CCDC7: variants seen among roughly 807,000 people sequenced by gnomAD.
The protein encoded by CCDC7 is coiled-coil domain containing 7.
Under a neutral mutation model 196.9 loss-of-function variants are expected in CCDC7, and 183 were observed. The observed-to-expected ratio is 0.93, with a 90% CI of 0.82 to 1.05. CCDC7 has a LOEUF of 1.05. Among genes scored for constraint, CCDC7 ranks in the 50% least tolerant of loss-of-function variants. The probability of loss-of-function intolerance (pLI) is 0.00; values close to 1 mark genes in which losing one functional copy is unlikely to be tolerated. For synonymous variants in CCDC7, 525 were observed against 484.6 expected (o/e 1.08, Z -1.10); for missense variants, 1,540 against 1,482.2 (o/e 1.04, Z -0.64).
chr10:32,880,443 G>A (rs2094750565), downstream of CCDC7, among the ~76,000 whole-genome samples: 2 of 152,114 alleles, frequency 1.3e-5, no homozygotes, highest in Admixed American at 1.3e-4. Context: ...CTTTATGTTA[G>A]ACCTTTGTCA....
At chr10:32,834,760 C>T (rs1425016222) in intron 32 of CCDC7, 55 bp from the exon 34 acceptor site, 4 of 733,520 alleles carry the variant, frequency 5.5e-6, no homozygotes, top group South Asian at 1.5e-5. Flanking sequence ...ACAGCACGGA[C>T]ATATGTTACA....
At chr10:32,665,738 T>C (rs575014936) in intron 21 of CCDC7, among the ~76,000 whole-genome samples, 125 of 152,186 alleles carry the variant, frequency 8.2e-4, no homozygotes, top group African/African-American at 3.0e-3. Flanking sequence ...GGATTTTTTC[T>C]ATTTCTGTCA....
chr10:32,839,633 T>G (rs1035092932), intron 33 of CCDC7, among the ~76,000 whole-genome samples: 6 of 152,026 alleles, frequency 3.9e-5, no homozygotes, highest in Non-Finnish European at 7.4e-5. Flanking sequence ...GAACTTGAAC[T>G]CTACCCTACA....
At chr10:32,654,130 G>A (rs76696325) in intron 20 of CCDC7, among the ~76,000 whole-genome samples, 2,323 of 151,862 alleles carry the variant, frequency 0.015, 69 homozygotes, top group African/African-American at 0.05. Flanking sequence ...TTCAGTTATT[G>A]TGGTTTTCAA....
chr10:32,764,394 T>C (rs992170067), intron 28 of CCDC7, among the ~76,000 whole-genome samples: 1 of 151,820 alleles, frequency 6.6e-6, no homozygotes, highest in Non-Finnish European at 1.5e-5. Flanking sequence ...ATGTATAGGA[T>C]GAAGATGAAA....
rs2083193156 is a variant in CCDC7, at chr10:32,726,776, C to G, written c.2612C>G (p.Ser871Ter). ...ATGTTTGTTCATCAAGATTCAGTGTCAAAACTCCAAATGCAAGAAAAGAAA... is the reference window on the plus strand; with the variant it reads ...ATGTTTGTTCATCAAGATTCAGTGTGAAAACTCCAAATGCAAGAAAAGAAA... The change falls in exon 26 of 42, where the codon TCA becomes TGA. Residue 871 changes from serine to a stop codon, truncating the protein, a stop_gained. Transcript: ENST00000639629. LOFTEE classifies it high-confidence loss of function. 6.2e-7 allele frequency: 1 copy of G among 1,603,588 alleles called. No homozygotes were observed. The highest frequency in any genetic ancestry group is 1.3e-5 in the African/African-American group (1 of 74,482).
chr10:32,507,183 G>T (rs1003795872), intron 9 of CCDC7, among the ~76,000 whole-genome samples: 4 of 151,884 alleles, frequency 2.6e-5, no homozygotes, highest in Non-Finnish European at 5.9e-5. Context: ...AGTAGAGACG[G>T]GGTTTCACCA....
chr10:32,490,134 A>G (rs2041923877), intron 8 of CCDC7, among the ~76,000 whole-genome samples: 1 of 152,060 alleles, frequency 6.6e-6, no homozygotes, highest in Non-Finnish European at 1.5e-5. Flanking sequence ...TGTCTCTGGT[A>G]TGCTGATCTC....
intron 28 of CCDC7, among the ~76,000 whole-genome samples, chr10:32,770,763 A>G (rs1346527113): frequency 6.6e-6 from 1 of 152,126 alleles, no homozygotes; most frequent in African/African-American, 2.4e-5. Context: ...TAGGAGCTCC[A>G]GTGTTTGGTA....
At position 32,828,506 on chromosome 10, in the gene CCDC7, A is replaced by G. The variant is rs1013207428; in HGVS notation, c.3268+3902A>G. ...AAGAGGAAGAAGAAGAAGAAGAAGA[A>G]GAAGAAGAAGAAGAAGAAGAAGAAG... On this transcript the variant is annotated intron_variant, in intron 32 of 41. Coordinates refer to ENST00000639629, the Ensembl canonical transcript of CCDC7. Among the ~76,000 whole-genome samples the G allele has an allele frequency of 2.1e-3, 280 of 132,300 alleles. 2 individuals carry two copies. Among genetic ancestry groups the G allele is most frequent in the Middle Eastern group, 0.011 (3 of 268 alleles). The allele number at this position is 132,300 out of a possible 152,430, so 86.8% of individuals were successfully genotyped here.
intron 14 of CCDC7, among the ~76,000 whole-genome samples, chr10:32,566,420 G>C (rs940593554): frequency 6.6e-6 from 1 of 152,036 alleles, no homozygotes; most frequent in Non-Finnish European, 1.5e-5. Flanking sequence ...TGTTTTAATA[G>C]CAAAAATTTT....
At chr10:32,487,285 T>G (rs1432871646) in intron 8 of CCDC7, among the ~76,000 whole-genome samples, 1 of 152,228 alleles carries the variant, frequency 6.6e-6, no homozygotes, top group Non-Finnish European at 1.5e-5. Flanking sequence ...AATCGGCTAC[T>G]GAGGCTTGTG....
At chr10:32,591,427 A>C (rs914492338) in intron 18 of CCDC7, among the ~76,000 whole-genome samples, 1 of 152,046 alleles carries the variant, frequency 6.6e-6, no homozygotes, top group Non-Finnish European at 1.5e-5. Flanking sequence ...GCAAAGGCCA[A>C]AAAGGGCAAA....
At chr10:32,509,177 T>C (rs530091639) in intron 9 of CCDC7, among the ~76,000 whole-genome samples, 1 of 152,210 alleles carries the variant, frequency 6.6e-6, no homozygotes, top group African/African-American at 2.4e-5. Context: ...GCTACAGTAA[T>C]TAATACAGTA....
chr10:32,678,211 A>T (rs906275977), intron 21 of CCDC7, among the ~76,000 whole-genome samples: 1 of 152,100 alleles, frequency 6.6e-6, no homozygotes, highest in East Asian at 1.9e-4. Flanking sequence ...CAGGGAGGTC[A>T]TAGATCTGCA....
chr10:32,464,346 A>G (rs146818073), intron 5 of CCDC7, among the ~76,000 whole-genome samples: 2 of 152,272 alleles, frequency 1.3e-5, no homozygotes, highest in East Asian at 1.9e-4. Context: ...AACTCCTTCA[A>G]TTCCTGCTAC....
chr10:32,512,977 A>G (rs994180129), intron 9 of CCDC7: 1 of 151,932 alleles, frequency 6.6e-6, no homozygotes, highest in Non-Finnish European at 1.5e-5. Flanking sequence ...TGCTAATATA[A>G]TAGAAATTTC....
At chr10:32,615,897 A>G (rs1056572946) in intron 18 of CCDC7, among the ~76,000 whole-genome samples, 3 of 152,096 alleles carry the variant, frequency 2.0e-5, no homozygotes, top group Non-Finnish European at 2.9e-5. Flanking sequence ...ATAACAATCC[A>G]ATTTTCCCAA....
At chr10:32,500,509 C>T (rs2043803603) in intron 9 of CCDC7, among the ~76,000 whole-genome samples, 1 of 151,872 alleles carries the variant, frequency 6.6e-6, no homozygotes, top group South Asian at 2.1e-4. Flanking sequence ...CAGAGACGCT[C>T]CTCACTTCCT....
Sources: allele counts gnomAD v4.1 joint callset (sites outside exome capture counted in the v4.1 genomes callset), GRCh38; gene constraint gnomAD v4.1.1; transcripts MANE v1.5; gene names NCBI Gene and HGNC (gene_info 2026-07-23, HGNC 2026-07-21).